Variants in CASP8 observed in about 807,000 individuals in gnomAD.
CASP8 encodes caspase-8.
Under a neutral mutation model 46.3 loss-of-function variants are expected in CASP8, and 24 were observed. The ratio of observed to expected loss-of-function variants is 0.52; its 90% CI spans 0.38 to 0.73. The LOEUF (loss-of-function observed/expected upper bound fraction) is 0.73. CASP8 is among the 30% of genes least tolerant of loss of function. CASP8 has a pLI of 0.00. For missense variants in CASP8, 460 were observed against 559.0 expected, an observed-to-expected ratio of 0.82 and a Z score of 1.79; for synonymous variants, 188 against 200.4, an observed-to-expected ratio of 0.94 and a Z score of 0.52.
At position 201,234,613 on chromosome 2, in the gene CASP8, CTAAT is replaced by C. The variant is rs565029580; in HGVS notation, c.-27+503_-27+506del. Among the ~76,000 whole-genome samples the C allele has an allele frequency of 2.3e-3, 341 of 150,092 alleles. 2 individuals carry two copies. Among genetic ancestry groups the C allele is most frequent in the African/African-American group, 7.9e-3 (316 of 40,232 alleles). On this transcript the variant is annotated intron_variant, in intron 2 of 6. Transcript: ENST00000264274. ...TACAGGCACCTGCTTCCATGCCTGG[CTAAT>C]TTTTTTTTTTGTATTTTTAGTAGAG...
chr2:201,282,574 C>T (rs1248624949), intron 7 of CASP8, among the ~76,000 whole-genome samples: 3 of 105,678 alleles, frequency 2.8e-5, no homozygotes, highest in Admixed American at 8.3e-5. Flanking sequence ...GGCTGACCCC[C>T]CCACCGCCCT....
chr2:201,257,236 C>A (rs1233673361), upstream of CASP8, among the ~76,000 whole-genome samples: 1 of 150,648 alleles, frequency 6.6e-6, no homozygotes, highest in Non-Finnish European at 1.5e-5. Flanking sequence ...AATCCCAGCA[C>A]TTTGGGAGGC....
At chr2:201,285,654 A>G (rs750429754) in intron 8 of CASP8, among the ~76,000 whole-genome samples, 1 of 152,226 alleles carries the variant, frequency 6.6e-6, no homozygotes, top group Non-Finnish European at 1.5e-5. Flanking sequence ...AGGATAGGAA[A>G]GTCATATACT....
intron 2 of CASP8, among the ~76,000 whole-genome samples, chr2:201,238,271 T>G (rs948494258): frequency 2.0e-5 from 3 of 152,110 alleles, no homozygotes; most frequent in African/African-American, 7.2e-5. Flanking sequence ...GTGGAGCAAG[T>G]GGGGAACTTG....
chr2:201,269,296 C>T (rs547594677), intron 2 of CASP8, among the ~76,000 whole-genome samples: 9 of 152,180 alleles, frequency 5.9e-5, no homozygotes, highest in South Asian at 4.1e-4. Context: ...CACATAAGGT[C>T]GCATTCTCAT....
At position 201,273,058 on chromosome 2, in the gene CASP8, CTTTTTT is replaced by C. The variant is rs397826156; in HGVS notation, c.595+128_595+133del. ...TCTTAACGTGCCTGCTCTACTTTTT[CTTTTTT>C]TTTTTTTTTTTGTGAGACAGTTTTA... On this transcript the variant is annotated intron_variant, in intron 5 of 8. Coordinates refer to ENST00000673742, the MANE Select transcript of CASP8 (RefSeq NM_001372051.1). 64 of 596,426 alleles carry C rather than the reference CTTTTTT, an allele frequency of 1.1e-4. 1 individual carries two copies. Among genetic ancestry groups the C allele is most frequent in the African/African-American group, 7.3e-4 (33 of 45,150 alleles). The allele number at this position is 596,426 out of a possible 1,614,324, so 36.9% of individuals were successfully genotyped here.
In CASP8 at chr2:201,272,493, T is replaced by C; in HGVS notation, c.412-145T>C. The stretch of plus-strand genomic sequence containing the variant: ...ATCGCTTCCCTAGTAGCCTGCTGGC[T>C]GTGAGAGACCAGCAGAAACTGTCAG... On this transcript the variant is annotated intron_variant, in intron 3 of 8. Transcript: ENST00000673742. The surrounding 1 kb of genome is among the most constrained non-coding windows in gnomAD (Gnocchi z 4.4). 3 of 844,742 alleles carry C rather than the reference T, an allele frequency of 3.6e-6. No homozygotes were observed. The highest frequency in any genetic ancestry group is 3.8e-6 in the Non-Finnish European group (2 of 521,822). The allele number at this position is 844,742 out of a possible 1,614,324, so 52.3% of individuals were successfully genotyped here.
At chr2:201,258,171 C>A (rs1241459048), upstream of CASP8, 9 of 1,581,652 alleles carry the variant, frequency 5.7e-6, no homozygotes, top group East Asian at 1.8e-4. Flanking sequence ...CTCCTTTTAT[C>A]TTTTGTGTTT....
intron 5 of CASP8, among the ~76,000 whole-genome samples, chr2:201,273,371 C>T (rs894885951): frequency 6.6e-6 from 1 of 152,084 alleles, no homozygotes; most frequent in Non-Finnish European, 1.5e-5. Context: ...ACCTGCTCTC[C>T]TAAGACCTGT....
chr2:201,260,114 T>C (rs549661244), upstream of CASP8, among the ~76,000 whole-genome samples: 18 of 152,132 alleles, frequency 1.2e-4, no homozygotes, highest in Non-Finnish European at 1.2e-4. Context: ...AGAACCAAGA[T>C]GAGAGGGCTC....
rs1321217671 is a variant in CASP8, at chr2:201,242,554, T to C, written c.-27+8442T>C. On this transcript the variant is annotated intron_variant, in intron 2 of 6. Transcript: ENST00000264274. ...GGTCCCATCTCCAAATACCAACACA[T>C]AGGGGATTAGGTTTCAACATATGAA... The C allele has an allele frequency of 2.0e-5, 3 of 152,246 alleles. No individual in the cohort carries two copies. In the South Asian group the frequency reaches 6.2e-4, roughly 32 times the overall value. The allele number at this position is 152,246 out of a possible 1,614,324, so 9.4% of individuals were successfully genotyped here.
Position 201,266,563 on chromosome 2 carries a change from G to A in CASP8, c.77G>A (p.Ser26Asn). The A allele has an allele frequency of 6.2e-7, 1 of 1,614,108 alleles. No homozygotes were observed. The highest frequency in any genetic ancestry group is 2.2e-5 in the East Asian group (1 of 44,888). The change falls in exon 2 of 9, where the codon AGC becomes AAC. Residue 26 changes from serine (S) to asparagine (N), a missense_variant. Ser to Asn is a conservative substitution (Grantham distance 46). Transcript: ENST00000673742. This position sits in a 1 kb window ranked among gnomAD's most constrained non-coding sequence, Gnocchi z 5.7. ...GATCTGGCCTCCCTCAAGTTCCTGAGCCTGGACTACATTCCGCAAAGGAAG... is the reference window on the plus strand; with the variant it reads ...GATCTGGCCTCCCTCAAGTTCCTGAACCTGGACTACATTCCGCAAAGGAAG... ...SEDLASLKFLSLDYIPQRKQE... is the reference protein window; with the variant it reads ...SEDLASLKFLNLDYIPQRKQE...
At chr2:201,277,182 A>G in intron 7 of CASP8, 1 of 401,684 alleles carries the variant, frequency 2.5e-6, no homozygotes, top group Non-Finnish European at 4.5e-6. Context: ...TAATGTATGT[A>G]TAAATATAAA....
intron 2 of CASP8, among the ~76,000 whole-genome samples, chr2:201,250,546 A>G (rs1334947034): frequency 6.6e-6 from 1 of 152,206 alleles, no homozygotes; most frequent in Middle Eastern, 3.2e-3. Flanking sequence ...GAGGTGCCAC[A>G]TATTTTTAAA....
At chr2:201,275,256 A>G (rs796320252) in intron 6 of CASP8, among the ~76,000 whole-genome samples, 3 of 152,142 alleles carry the variant, frequency 2.0e-5, no homozygotes, top group South Asian at 2.1e-4. Context: ...CAGCCGTGCC[A>G]GCCTGGATGG....
chr2:201,235,709 T>C (rs1046609047), intron 2 of CASP8, among the ~76,000 whole-genome samples: 1 of 152,208 alleles, frequency 6.6e-6, no homozygotes, highest in East Asian at 1.9e-4. Context: ...TTTTGACATA[T>C]GTATGACATA....
At chr2:201,282,756 G>A (rs111715121) in intron 7 of CASP8, among the ~76,000 whole-genome samples, 1 of 81,020 alleles carries the variant, frequency 1.2e-5, no homozygotes, top group East Asian at 3.9e-4. Context: ...TCACTTCCCA[G>A]TAGGGGCGGC....
chr2:201,276,912 A>G lies in CASP8; in HGVS notation c.746A>G (p.Glu249Gly). The stretch of plus-strand genomic sequence containing the variant: ...AATCACAATTTTGCAAAAGCACGGG[A>G]GAAAGTGCCCAAACTTCACAGCATT... ...INNHNFAKAR[E>G]KVPKLHSIRD... The change falls in exon 7 of 9, where the codon GAG becomes GGG. Residue 249 changes from glutamate to glycine, a missense_variant. Physicochemically the swap from Glu to Gly is moderately conservative, Grantham distance 98. Transcript: ENST00000673742. The G allele has an allele frequency of 6.2e-7, 1 of 1,614,146 alleles. No individual in the cohort carries two copies. The highest frequency in any genetic ancestry group is 8.5e-7 in the Non-Finnish European group (1 of 1,179,972).
chr2:201,246,367 A>T (rs754438672), intron 2 of CASP8, among the ~76,000 whole-genome samples: 14 of 152,084 alleles, frequency 9.2e-5, no homozygotes, highest in Non-Finnish European at 1.6e-4. Context: ...CAGGGTATTT[A>T]GGTGTCCTTA....
Sources: allele counts gnomAD v4.1 joint callset (sites outside exome capture counted in the v4.1 genomes callset), GRCh38; gene constraint gnomAD v4.1.1; non-coding constraint Gnocchi (gnomAD v3.1); transcripts MANE v1.5; gene names NCBI Gene and HGNC (gene_info 2026-07-23, HGNC 2026-07-21).